NIPA1: variants seen among roughly 807,000 people sequenced by gnomAD.
NIPA1 encodes the protein NIPA magnesium transporter 1.
A neutral mutation model predicts 23.9 loss-of-function variants in NIPA1; 13 were observed. The ratio of observed to expected loss-of-function variants is 0.54; its 90% CI spans 0.35 to 0.87. NIPA1 has a LOEUF of 0.87. NIPA1 is among the 40% of genes least tolerant of loss of function. The pLI is 0.01. For missense variants in NIPA1, 362 were observed against 429.7 expected, an observed-to-expected ratio of 0.84 and a Z score of 1.39; for synonymous variants, 234 against 202.9, an observed-to-expected ratio of 1.15 and a Z score of -1.30.
chr15:22,812,952 C>T (rs1209730249), intron 3 of NIPA1, among the ~76,000 whole-genome samples: 3 of 152,036 alleles, frequency 2.0e-5, no homozygotes, highest in Non-Finnish European at 4.4e-5. Flanking sequence ...TTGCTGGATG[C>T]CGGACAGTCC....
intron 1 of NIPA1, among the ~76,000 whole-genome samples, chr15:22,795,347 A>G (rs1894919425): frequency 6.6e-6 from 1 of 151,962 alleles, no homozygotes; most frequent in Non-Finnish European, 1.5e-5. Context: ...CCATGTTGTG[A>G]TTCTGTGGTG....
At chr15:22,790,079 C>G (rs968931353) in intron 1 of NIPA1, among the ~76,000 whole-genome samples, 1 of 151,968 alleles carries the variant, frequency 6.6e-6, no homozygotes, top group Non-Finnish European at 1.5e-5. Context: ...CAGGTCTGAG[C>G]CACCATGCCC....
At chr15:22,788,919 T>TAAAAAAAAAAAAAAAAAAAAAAAAAA (rs199860403) in intron 1 of NIPA1, among the ~76,000 whole-genome samples, 4 of 78,816 alleles carry the variant, frequency 5.1e-5, no homozygotes, top group African/African-American at 2.0e-4. Context: ...GGCTCTGTCT[T>TAAAAAAAAAAAAAAAAAAAAAAAAAA]AAAAAAAAAA....
intron 1 of NIPA1, among the ~76,000 whole-genome samples, chr15:22,806,218 C>T (rs1002333526): frequency 1.9e-4 from 29 of 152,182 alleles, no homozygotes; most frequent in African/African-American, 7.0e-4. Context: ...CCACCGCGCC[C>T]GGCCTAAAGC....
chr15:22,820,196 C>T, intron 3 of NIPA1, 117 bp from the exon 4 acceptor site: 1 of 760,412 alleles, frequency 1.3e-6, no homozygotes, highest in Non-Finnish European at 2.2e-6. Context: ...GAGGTGGTCT[C>T]TTAAAGGGAA....
chr15:22,823,636 C>T (rs1015899349), intron 4 of NIPA1, 92 bp from the exon 5 acceptor site: 110 of 1,359,714 alleles, frequency 8.1e-5, no homozygotes, highest in Non-Finnish European at 9.3e-5. Flanking sequence ...TGGCGGGTGG[C>T]GGGTGGGGGC....
At chr15:22,789,054 C>T (rs368718438) in intron 1 of NIPA1, among the ~76,000 whole-genome samples, 1 of 150,876 alleles carries the variant, frequency 6.6e-6, no homozygotes. Context: ...AGTGCAATGG[C>T]GCGATCTTGG....
chr15:22,812,224 C>A lies in NIPA1; in HGVS notation c.288C>A (p.Thr96=), dbSNP rs1337610115. The A allele has an allele frequency of 1.9e-6, 3 of 1,613,654 alleles. No individual in the cohort carries two copies. Among genetic ancestry groups the A allele is most frequent in the Non-Finnish European group, 2.5e-6 (3 of 1,179,722 alleles). ...CGGCGGTCCCCACGGTCCTGGTAAC[C>A]CCCCTGGGCGCCCTTGGAGTACCGT... ...AYTAVPTVLV[T]PLGALGVPFG... Residue 96 remains threonine, a synonymous_variant, in exon 3 of 5, where the codon ACC becomes ACA. Transcript: ENST00000337435.
intron 1 of NIPA1, among the ~76,000 whole-genome samples, chr15:22,796,574 G>A (rs368588536): frequency 6.6e-6 from 1 of 152,038 alleles, no homozygotes; most frequent in South Asian, 2.1e-4. Context: ...AAATTACTAG[G>A]ATTCCAGGCG....
chr15:22,796,052 C>T (rs959672824), intron 1 of NIPA1, among the ~76,000 whole-genome samples: 3 of 152,030 alleles, frequency 2.0e-5, no homozygotes, highest in Admixed American at 6.6e-5. Context: ...CTACCCCAGC[C>T]TCCCGAGTAG....
intron 1 of NIPA1, among the ~76,000 whole-genome samples, chr15:22,802,376 A>C (rs1051979236): frequency 1.5e-5 from 2 of 132,024 alleles, no homozygotes; most frequent in Non-Finnish European, 3.1e-5. Context: ...TGGGCGACAG[A>C]GTGAGACTCT....
chr15:22,816,948 C>T (rs1895431113), intron 3 of NIPA1, among the ~76,000 whole-genome samples: 1 of 151,840 alleles, frequency 6.6e-6, no homozygotes, highest in East Asian at 2.0e-4. Context: ...CTCTGGGAGG[C>T]TGAGACGGGA....
chr15:22,800,836 C>T (rs1448499666), intron 1 of NIPA1, among the ~76,000 whole-genome samples: 1 of 150,694 alleles, frequency 6.6e-6, no homozygotes, highest in African/African-American at 2.4e-5. Flanking sequence ...GAGGCTGAGG[C>T]AGGAGAATGG....
chr15:22,796,987 A>T (rs1015125352), intron 1 of NIPA1, among the ~76,000 whole-genome samples: 9 of 152,230 alleles, frequency 5.9e-5, no homozygotes, highest in African/African-American at 2.2e-4. Flanking sequence ...GTGGTTCGGA[A>T]AGTGGAACTT....
chr15:22,786,641 G>GGCGGGC, upstream of NIPA1: 1 of 993,214 alleles, frequency 1.0e-6, no homozygotes, highest in Non-Finnish European at 1.2e-6. Context: ...AGGCTCGGAG[G>GGCGGGC]GCGGGCGCGG....
At chr15:22,792,763 G>C (rs939797425) in intron 1 of NIPA1, among the ~76,000 whole-genome samples, 3 of 151,942 alleles carry the variant, frequency 2.0e-5, no homozygotes, top group African/African-American at 7.2e-5. Context: ...AGACCAGCCT[G>C]GCCAGCGTGG....
At position 22,825,037 on chromosome 15, in the gene NIPA1, G is replaced by A. The variant is rs1056514982; in HGVS notation, c.*798G>A. Reference sequence around the variant, plus strand: ...GTATAAGGCAGTTAGAAATAATACAGTCACATGTCACTTAATGATAGGGAA... The same window carrying A: ...GTATAAGGCAGTTAGAAATAATACAATCACATGTCACTTAATGATAGGGAA... On this transcript the variant is annotated 3_prime_UTR_variant, in exon 5 of 5. Transcript: ENST00000337435. 7.2e-5 allele frequency: 11 copies of A among 152,522 alleles called. No homozygotes were observed. The highest frequency in any genetic ancestry group is 5.2e-4 in the Admixed American group (8 of 15,272). The allele number at this position is 152,522 out of a possible 1,614,324, so 9.4% of individuals were successfully genotyped here.
At chr15:22,790,604 A>G (rs1595629068) in intron 1 of NIPA1, among the ~76,000 whole-genome samples, 1 of 151,682 alleles carries the variant, frequency 6.6e-6, no homozygotes, top group Admixed American at 6.6e-5. Flanking sequence ...TAGTAGAGAC[A>G]GGTTTCTCCA....
chr15:22,822,882 A>C (rs1273109136), intron 4 of NIPA1, among the ~76,000 whole-genome samples: 1 of 150,504 alleles, frequency 6.6e-6, no homozygotes, highest in African/African-American at 2.5e-5. Context: ...ATAGAGGACC[A>C]TGTAAACATT....
Sources: gnomAD v4.1 joint callset for allele counts (sites outside exome capture counted in the v4.1 genomes callset) on GRCh38, gnomAD v4.1.1 for gene constraint, MANE v1.5 for transcripts, NCBI Gene and HGNC (gene_info 2026-07-23, HGNC 2026-07-21) for gene names.